The following DOCK1 variants were observed in gnomAD, a reference collection of about 807,000 sequenced individuals.
DOCK1 encodes dedicator of cytokinesis protein 1.
A neutral mutation model predicts 262.7 loss-of-function variants in DOCK1; 138 were observed. That is an observed-to-expected ratio of 0.53 (90% confidence interval 0.46 to 0.61). The LOEUF (loss-of-function observed/expected upper bound fraction) is 0.61. Ranked by LOEUF, DOCK1 falls within the 20% of genes least tolerant of loss-of-function variation. DOCK1 has a pLI of 0.00. For missense variants in DOCK1, 1,908 were observed against 2,370.7 expected (o/e 0.80, Z 4.05); for synonymous variants, 866 against 867.4 (o/e 1.00, Z 0.03).
intron 38 of DOCK1, among the ~76,000 whole-genome samples, chr10:127,385,906 C>A (rs1185777637): frequency 6.6e-6 from 1 of 152,200 alleles, no homozygotes; most frequent in African/African-American, 2.4e-5. Context: ...TAGACGAGGG[C>A]CCACTCTCCT....
At chr10:127,142,743 C>A (rs746100807) in intron 27 of DOCK1, among the ~76,000 whole-genome samples, 1 of 152,178 alleles carries the variant, frequency 6.6e-6, no homozygotes, top group Non-Finnish European at 1.5e-5. Flanking sequence ...GAACCATCCA[C>A]CCAAACACTC....
intron 19 of DOCK1, among the ~76,000 whole-genome samples, chr10:127,038,427 C>T (rs1407561898): frequency 1.3e-5 from 2 of 152,116 alleles, no homozygotes; most frequent in Non-Finnish European, 2.9e-5. Flanking sequence ...CCTCTTTAAG[C>T]CTCTCTTTCC....
intron 29 of DOCK1, among the ~76,000 whole-genome samples, chr10:127,310,917 C>G (rs1481167461): frequency 6.6e-6 from 1 of 152,132 alleles, no homozygotes; most frequent in Non-Finnish European, 1.5e-5. Flanking sequence ...CTGAAAATTA[C>G]CCTGAAATGA....
intron 18 of DOCK1, among the ~76,000 whole-genome samples, chr10:127,036,047 A>AAAT (rs2043591143): frequency 2.4e-4 from 29 of 122,490 alleles, no homozygotes; most frequent in Admixed American, 1.8e-3. Context: ...AATAAATAAA[A>AAAT]AAGAGTAGAG....
At chr10:127,323,857 C>G (rs760760089) in intron 29 of DOCK1, among the ~76,000 whole-genome samples, 10 of 152,260 alleles carry the variant, frequency 6.6e-5, no homozygotes, top group African/African-American at 9.6e-5. Context: ...GCCTGCTCCT[C>G]CCCTGTGCTG....
chr10:127,339,143 T>TG, intron 30 of DOCK1, 59 bp downstream of exon 30: 1 of 1,387,972 alleles, frequency 7.2e-7, no homozygotes, highest in Admixed American at 2.0e-5. Flanking sequence ...AAATTGCTGG[T>TG]CCGAGCCAGT....
At chr10:127,098,070 A>G (rs2048014598) in intron 23 of DOCK1, among the ~76,000 whole-genome samples, 1 of 152,176 alleles carries the variant, frequency 6.6e-6, no homozygotes, top group South Asian at 2.1e-4. Context: ...TGCTGCAGGG[A>G]ACCTTGCCAG....
At chr10:127,433,717 G>A (rs11018081) in intron 48 of DOCK1, among the ~76,000 whole-genome samples, 4 of 152,082 alleles carry the variant, frequency 2.6e-5, no homozygotes, top group Non-Finnish European at 5.9e-5. Context: ...GCATGGCTTA[G>A]AACAAGCTTG....
At chr10:127,252,843 T>C (rs11016966) in intron 28 of DOCK1, among the ~76,000 whole-genome samples, 9,111 of 152,228 alleles carry the variant, frequency 0.06, 343 homozygotes, top group Non-Finnish European at 0.088. Context: ...TTTGTTCTTT[T>C]GGCTTAGGAT....
At chr10:127,332,971 A>C (rs1206911719) in intron 29 of DOCK1, among the ~76,000 whole-genome samples, 1 of 152,220 alleles carries the variant, frequency 6.6e-6, no homozygotes, top group Non-Finnish European at 1.5e-5. Flanking sequence ...TTATGCAGAA[A>C]TCATTTGAAG....
chr10:127,267,631 T>C (rs2060409977), intron 29 of DOCK1, among the ~76,000 whole-genome samples: 1 of 152,204 alleles, frequency 6.6e-6, no homozygotes, highest in African/African-American at 2.4e-5. Flanking sequence ...GCGCACCTCG[T>C]CGGGAGTGCC....
chr10:127,294,136 C>A (rs1425104089), intron 29 of DOCK1, among the ~76,000 whole-genome samples: 2 of 152,174 alleles, frequency 1.3e-5, no homozygotes, highest in African/African-American at 4.8e-5. Flanking sequence ...GTGTTACTGA[C>A]CCTCTCTCTT....
At chr10:127,307,255 G>A (rs947235731) in intron 29 of DOCK1, among the ~76,000 whole-genome samples, 2 of 152,180 alleles carry the variant, frequency 1.3e-5, no homozygotes, top group East Asian at 1.9e-4. Flanking sequence ...CCACAGTTGG[G>A]CAGCATTGTC....
At chr10:127,134,371 A>G (rs1244840150) in intron 27 of DOCK1, among the ~76,000 whole-genome samples, 2 of 152,196 alleles carry the variant, frequency 1.3e-5, no homozygotes, top group East Asian at 1.9e-4. Flanking sequence ...GTGGCTGTAG[A>G]TAACTAACTG....
intron 2 of DOCK1, among the ~76,000 whole-genome samples, chr10:126,973,880 T>C (rs1037224805): frequency 6.6e-6 from 1 of 152,204 alleles, no homozygotes; most frequent in Admixed American, 6.5e-5. Flanking sequence ...AAGTTTGATT[T>C]TCTTTTTTTC....
intron 27 of DOCK1, among the ~76,000 whole-genome samples, chr10:127,172,724 G>A (rs951549180): frequency 6.6e-6 from 1 of 152,186 alleles, no homozygotes; most frequent in African/African-American, 2.4e-5. Context: ...CCGTGAGCTT[G>A]TGCTGGCAGC....
chr10:127,238,535 T>G (rs905397449), intron 27 of DOCK1, among the ~76,000 whole-genome samples: 1 of 152,182 alleles, frequency 6.6e-6, no homozygotes, highest in Non-Finnish European at 1.5e-5. Flanking sequence ...GGTCACAGCT[T>G]TACTTTTGCC....
At chr10:127,349,011 C>G (rs893156541) in intron 31 of DOCK1, among the ~76,000 whole-genome samples, 8 of 152,032 alleles carry the variant, frequency 5.3e-5, no homozygotes, top group Middle Eastern at 3.2e-3. Flanking sequence ...CAAGTGGTGA[C>G]CTGTGCCAAC....
intron 1 of DOCK1, among the ~76,000 whole-genome samples, chr10:126,955,642 G>T (rs1051741136): frequency 1.3e-5 from 2 of 152,110 alleles, no homozygotes; most frequent in East Asian, 3.9e-4. Flanking sequence ...CAGATCTGGG[G>T]CAGAGTAGCT....
Sources: allele counts gnomAD v4.1 joint callset (sites outside exome capture counted in the v4.1 genomes callset), GRCh38; gene constraint gnomAD v4.1.1; transcripts MANE v1.5; gene names NCBI Gene and HGNC (gene_info 2026-07-23, HGNC 2026-07-21).